Variants in BTBD9 observed in about 807,000 individuals in gnomAD.
BTBD9 encodes BTB domain containing 9.
In BTBD9, 49 loss-of-function variants were observed where a neutral mutation model predicts 64.3. The observed-to-expected ratio is 0.76, with a 90% CI of 0.61 to 0.97. The LOEUF (loss-of-function observed/expected upper bound fraction) is 0.97. Among genes scored for constraint, BTBD9 ranks in the 50% least tolerant of loss-of-function variants. The pLI is 0.00. For missense variants in BTBD9, 598 were observed against 762.1 expected (o/e 0.78, Z 2.53); for synonymous variants, 260 against 274.7 (o/e 0.95, Z 0.53).
intron 6 of BTBD9, among the ~76,000 whole-genome samples, chr6:38,522,704 C>T (rs1437701294): frequency 6.6e-6 from 1 of 152,282 alleles, no homozygotes; most frequent in Non-Finnish European, 1.5e-5. Context: ...ATCAGTCCTT[C>T]TTCTTGAGTT....
At chr6:38,230,238 T>C (rs1364442786) in intron 9 of BTBD9, among the ~76,000 whole-genome samples, 1 of 152,186 alleles carries the variant, frequency 6.6e-6, no homozygotes, top group Non-Finnish European at 1.5e-5. Flanking sequence ...CTCATGCCTG[T>C]AATCCCAGCA....
chr6:38,600,360 C>G (rs1302310034), intron 1 of BTBD9, among the ~76,000 whole-genome samples: 1 of 152,210 alleles, frequency 6.6e-6, no homozygotes, highest in Non-Finnish European at 1.5e-5. Context: ...CTGGCCTACC[C>G]CGTGATCAAG....
At chr6:38,287,697 A>C (rs1761798401) in intron 8 of BTBD9, among the ~76,000 whole-genome samples, 1 of 152,162 alleles carries the variant, frequency 6.6e-6, no homozygotes, top group African/African-American at 2.4e-5. Flanking sequence ...CTGACAGTGC[A>C]TTTCTTACAG....
chr6:38,288,518 A>G (rs1356828955), intron 7 of BTBD9, 57 bp from the exon 8 acceptor site: 2 of 1,436,548 alleles, frequency 1.4e-6, no homozygotes, highest in African/African-American at 1.4e-5. Context: ...ATATATCTCT[A>G]TAGTGTGCTC....
intron 8 of BTBD9, among the ~76,000 whole-genome samples, chr6:38,262,877 A>G (rs1033313734): frequency 6.6e-6 from 1 of 152,240 alleles, no homozygotes; most frequent in Non-Finnish European, 1.5e-5. Context: ...TGGCTGAAGT[A>G]TAACAGTTGA....
intron 6 of BTBD9, among the ~76,000 whole-genome samples, chr6:38,496,316 G>C (rs1249093840): frequency 6.6e-6 from 1 of 152,092 alleles, no homozygotes; most frequent in Non-Finnish European, 1.5e-5. Flanking sequence ...AAAGAGACAT[G>C]AGTTTTTAAA....
At chr6:38,314,553 T>C (rs1762963968) in intron 7 of BTBD9, among the ~76,000 whole-genome samples, 1 of 152,196 alleles carries the variant, frequency 6.6e-6, no homozygotes, top group South Asian at 2.1e-4. Flanking sequence ...CTTCTTTAAG[T>C]ATTTGGTAAA....
chr6:38,206,619 T>C lies in BTBD9; in HGVS notation c.1563-14022A>G, dbSNP rs372769199. On this transcript the variant is annotated intron_variant, in intron 9 of 10. Transcript: ENST00000481247. Reference sequence around the variant, plus strand: ...CACTACATGGCTTGGCTCTGAACGATAGTTACATAGTCATCCTAATGCCAA... The same window carrying C: ...CACTACATGGCTTGGCTCTGAACGACAGTTACATAGTCATCCTAATGCCAA... Among the ~76,000 whole-genome samples, 25 of 151,980 alleles carry C rather than the reference T, an allele frequency of 1.6e-4. 1 individual carries two copies. Among genetic ancestry groups the C allele is most frequent in the African/African-American group, 5.8e-4 (24 of 41,462 alleles).
chr6:38,412,579 C>T (rs899535009), intron 6 of BTBD9, among the ~76,000 whole-genome samples: 3 of 151,212 alleles, frequency 2.0e-5, no homozygotes, highest in African/African-American at 7.3e-5. Flanking sequence ...AAAAGTCTGA[C>T]CAGGTGCGGT....
intron 6 of BTBD9, among the ~76,000 whole-genome samples, chr6:38,428,510 AT>A (rs1159001353): frequency 6.7e-6 from 1 of 149,992 alleles, no homozygotes; most frequent in Non-Finnish European, 1.5e-5. Context: ...GTATTAAAGC[AT>A]TTTTTTGGCA....
At chr6:38,462,177 ATTT>A (rs1562219230) in intron 6 of BTBD9, among the ~76,000 whole-genome samples, 1 of 151,982 alleles carries the variant, frequency 6.6e-6, no homozygotes, top group Non-Finnish European at 1.5e-5. Flanking sequence ...CAGTTTTTCA[ATTT>A]TTTTCTTTTA....
At chr6:38,291,467 C>T (rs528071414) in intron 7 of BTBD9, among the ~76,000 whole-genome samples, 3 of 152,216 alleles carry the variant, frequency 2.0e-5, no homozygotes, top group South Asian at 2.1e-4. Context: ...TCCTCTCTTC[C>T]TATTTGAATA....
At chr6:38,611,767 C>A (rs1425157942) in intron 1 of BTBD9, among the ~76,000 whole-genome samples, 1 of 152,158 alleles carries the variant, frequency 6.6e-6, no homozygotes, top group Non-Finnish European at 1.5e-5. Flanking sequence ...GGAAGTTCTC[C>A]ATTCCCCTTG....
chr6:38,486,237 T>C (rs1771407426), intron 6 of BTBD9, among the ~76,000 whole-genome samples: 3 of 152,222 alleles, frequency 2.0e-5, no homozygotes, highest in Non-Finnish European at 4.4e-5. Flanking sequence ...CCATACCCAC[T>C]CAAACTTTCT....
At chr6:38,532,107 A>G (rs1773826618) in intron 6 of BTBD9, among the ~76,000 whole-genome samples, 1 of 152,220 alleles carries the variant, frequency 6.6e-6, no homozygotes, top group Admixed American at 6.5e-5. Context: ...CACATGATAC[A>G]GAGAAGGAAT....
At chr6:38,545,864 ACACACAC>A (rs1275676270) in intron 6 of BTBD9, among the ~76,000 whole-genome samples, 1 of 73,610 alleles carries the variant, frequency 1.4e-5, no homozygotes, top group Non-Finnish European at 4.3e-5. Flanking sequence ...ATACACACAC[ACACACAC>A]ACACACACAC....
chr6:38,528,734 T>C (rs967059731), intron 6 of BTBD9, among the ~76,000 whole-genome samples: 11 of 152,130 alleles, frequency 7.2e-5, no homozygotes, highest in Non-Finnish European at 1.0e-4. Context: ...CATTACCTGC[T>C]GACTAAAGAG....
At chr6:38,532,313 C>T (rs1367876725) in intron 6 of BTBD9, among the ~76,000 whole-genome samples, 4 of 152,258 alleles carry the variant, frequency 2.6e-5, no homozygotes, top group East Asian at 3.9e-4. Context: ...GTCTCACCAA[C>T]GTGGGCTAAA....
At chr6:38,511,793 A>G (rs1349441673) in intron 6 of BTBD9, among the ~76,000 whole-genome samples, 3 of 152,194 alleles carry the variant, frequency 2.0e-5, no homozygotes, top group African/African-American at 7.2e-5. Flanking sequence ...GGCAAAAGGT[A>G]AAGATTTGCT....
Sources: gnomAD v4.1 joint callset for allele counts (sites outside exome capture counted in the v4.1 genomes callset) on GRCh38, gnomAD v4.1.1 for gene constraint, MANE v1.5 for transcripts, NCBI Gene and HGNC (gene_info 2026-07-23, HGNC 2026-07-21) for gene names.